Variants in PALM2AKAP2 observed in about 807,000 individuals in gnomAD.
The protein encoded by PALM2AKAP2 is PALM2-AKAP2 fusion protein.
A neutral mutation model predicts 71.5 loss-of-function variants in PALM2AKAP2; 37 were observed. The ratio of observed to expected loss-of-function variants is 0.52; its 90% CI spans 0.40 to 0.68. PALM2AKAP2 has a LOEUF of 0.68. PALM2AKAP2 is among the 30% of genes least tolerant of loss of function. The pLI, the probability that PALM2AKAP2 is intolerant of heterozygous loss-of-function variation, is 0.00. For synonymous variants in PALM2AKAP2, 468 were observed against 478.8 expected (o/e 0.98, Z 0.29); for missense variants, 1,224 against 1,191.8 (o/e 1.03, Z -0.40).
intron 1 of PALM2AKAP2, among the ~76,000 whole-genome samples, chr9:109,799,556 C>T (rs761434954): frequency 2.0e-5 from 3 of 152,116 alleles, no homozygotes; most frequent in Admixed American, 6.5e-5. Flanking sequence ...TGCAGTGGCA[C>T]GACCATTACT....
Position 109,715,088 on chromosome 9 carries a change from A to G in PALM2AKAP2, c.6-65400A>G, listed in dbSNP as rs576366725. On this transcript the variant is annotated intron_variant, in intron 1 of 6. Coordinates refer to the PALM2AKAP2 transcript ENST00000374531. ...GTCAGTTGGACTCTGAGTTTGTGCT[A>G]TGTCCACTGATCTACACTATCTTTT... is the stretch of plus-strand genomic sequence containing the variant. 3.0e-5 allele frequency among the ~76,000 whole-genome samples: 4 copies of G among 133,868 alleles called. No homozygotes were observed. The South Asian group carries it at 9.6e-4, about 32-fold the overall frequency. The allele number at this position is 133,868 out of a possible 152,430, so 87.8% of individuals were successfully genotyped here.
In PALM2AKAP2 at chr9:110,144,143, GT is replaced by G. The variant is rs565484134; in HGVS notation, c.2569+5607del. On this transcript the variant is annotated intron_variant, in intron 2 of 3. Transcript: ENST00000374525. Reference sequence around the variant, plus strand: ...CTAAATTAGAGCCACATGAGGCACAGTTTCATTTGAGGTGCCCTCATTGCTC... The same window carrying G: ...CTAAATTAGAGCCACATGAGGCACAGTTCATTTGAGGTGCCCTCATTGCTC... Among the ~76,000 whole-genome samples the G allele has an allele frequency of 4.6e-3, 696 of 152,358 alleles. 3 individuals carry two copies. Among genetic ancestry groups the G allele is most frequent in the Non-Finnish European group, 8.3e-3 (567 of 68,024 alleles).
At chr9:110,032,621 G>C (rs1833301014) in intron 7 of PALM2AKAP2, among the ~76,000 whole-genome samples, 1 of 151,876 alleles carries the variant, frequency 6.6e-6, no homozygotes, top group Non-Finnish European at 1.5e-5. Context: ...ACCCCAGGAG[G>C]AGGCGGCTGC....
intron 1 of PALM2AKAP2, among the ~76,000 whole-genome samples, chr9:109,785,657 A>G (rs1004244874): frequency 2.6e-5 from 4 of 152,236 alleles, no homozygotes; most frequent in African/African-American, 7.2e-5. Flanking sequence ...TTATAAAACC[A>G]TCAGATCTCG....
chr9:109,735,682 A>G (rs1432391417), intron 1 of PALM2AKAP2, among the ~76,000 whole-genome samples: 1 of 152,210 alleles, frequency 6.6e-6, no homozygotes, highest in East Asian at 1.9e-4. Context: ...TTATGTGCCC[A>G]GAGGAAAAGG....
At chr9:110,160,839 T>G (rs914359) in intron 3 of PALM2AKAP2, among the ~76,000 whole-genome samples, 18,079 of 152,224 alleles carry the variant, frequency 0.12, 1,087 homozygotes, top group Middle Eastern at 0.19. Context: ...CAGTGTGCTC[T>G]CTCTCTCTTT....
intron 1 of PALM2AKAP2, among the ~76,000 whole-genome samples, chr9:110,056,591 C>T (rs1010405076): frequency 6.6e-6 from 1 of 152,160 alleles, no homozygotes; most frequent in African/African-American, 2.4e-5. Flanking sequence ...TGCATCAGAA[C>T]ATTTTATACT....
chr9:109,863,254 G>T (rs1829362610), intron 1 of PALM2AKAP2, among the ~76,000 whole-genome samples: 2 of 151,814 alleles, frequency 1.3e-5, no homozygotes, highest in South Asian at 4.2e-4. Flanking sequence ...AGGAAGGAGG[G>T]TTAAGGCAAT....
chr9:110,131,312 T>C (rs1009463), intron 1 of PALM2AKAP2, among the ~76,000 whole-genome samples: 73,251 of 152,010 alleles, frequency 0.48, 17,904 homozygotes, highest in African/African-American at 0.57. Flanking sequence ...CCTTTGCACC[T>C]TAGTTTTTCT....
chr9:109,957,509 G>C (rs781253301), intron 6 of PALM2AKAP2, among the ~76,000 whole-genome samples: 1 of 152,160 alleles, frequency 6.6e-6, no homozygotes. Context: ...AGTAGAAAAA[G>C]GTTCTCCCAA....
intron 1 of PALM2AKAP2, among the ~76,000 whole-genome samples, chr9:110,073,353 G>A (rs1050784653): frequency 9.9e-5 from 15 of 152,262 alleles, no homozygotes; most frequent in African/African-American, 3.4e-4. Context: ...TCTCAACTGG[G>A]ACACTTGAAG....
intron 6 of PALM2AKAP2, among the ~76,000 whole-genome samples, chr9:109,992,864 A>G (rs560752641): frequency 5.0e-4 from 76 of 152,054 alleles, no homozygotes; most frequent in Non-Finnish European, 9.7e-4. Flanking sequence ...GAAATGTCAC[A>G]TGCACGGAAG....
exon 2 of PALM2AKAP2, chr9:110,137,981 A>G (rs1026848821): frequency 4.3e-6 from 7 of 1,614,106 alleles, no homozygotes; most frequent in Middle Eastern, 3.3e-4. Context: ...TCAACAAGCC[A>G]TAGCCGAGCA....
At chr9:110,053,271 A>G (rs953944015) in intron 1 of PALM2AKAP2, among the ~76,000 whole-genome samples, 96 of 152,178 alleles carry the variant, frequency 6.3e-4, no homozygotes, top group Admixed American at 6.3e-3. Flanking sequence ...TACACCTGTA[A>G]TCCTGGCACT....
intron 1 of PALM2AKAP2, among the ~76,000 whole-genome samples, chr9:110,134,613 T>C (rs1376475104): frequency 3.3e-5 from 5 of 152,192 alleles, no homozygotes; most frequent in Non-Finnish European, 5.9e-5. Context: ...GCACTTACGA[T>C]GAACTCCAGT....
chr9:109,829,198 A>G (rs1324628889), intron 1 of PALM2AKAP2, among the ~76,000 whole-genome samples: 1 of 152,216 alleles, frequency 6.6e-6, no homozygotes, highest in Non-Finnish European at 1.5e-5. Context: ...TCTCTCCCTG[A>G]GACGCTCACC....
At chr9:109,987,237 T>C (rs1419154717) in intron 6 of PALM2AKAP2, among the ~76,000 whole-genome samples, 2 of 152,140 alleles carry the variant, frequency 1.3e-5, no homozygotes, top group Non-Finnish European at 1.5e-5. Context: ...TTCAAGTGAC[T>C]CTTCTGCCTC....
At position 110,035,765 on chromosome 9, in the gene PALM2AKAP2, GTATGT is replaced by G. The variant is rs569444164; in HGVS notation, c.582+19730_582+19734del. 3.1e-3 allele frequency among the ~76,000 whole-genome samples: 397 copies of G among 128,476 alleles called. 42 individuals are homozygous for G. Among genetic ancestry groups the G allele is most frequent in the African/African-American group, 7.2e-3 (239 of 33,040 alleles). The allele number at this position is 128,476 out of a possible 152,430, so 84.3% of individuals were successfully genotyped here. ...ATATATAACATATATAGGATATGTTGTATGTTATATGTAACATATATAGGATATGT... is the reference window on the plus strand; with the variant it reads ...ATATATAACATATATAGGATATGTTGTATATGTAACATATATAGGATATGT... On this transcript the variant is annotated intron_variant, in intron 7 of 9. Coordinates refer to the PALM2AKAP2 transcript ENST00000302798.
intron 1 of PALM2AKAP2, among the ~76,000 whole-genome samples, chr9:109,825,873 C>T (rs886717351): frequency 6.6e-6 from 1 of 152,114 alleles, no homozygotes; most frequent in African/African-American, 2.4e-5. Flanking sequence ...GGTATATACA[C>T]AAAGGTTTAT....
Sources: allele counts gnomAD v4.1 joint callset (sites outside exome capture counted in the v4.1 genomes callset), GRCh38; gene constraint gnomAD v4.1.1; transcripts MANE v1.5; gene names NCBI Gene and HGNC (gene_info 2026-07-23, HGNC 2026-07-21).